Variants in MPP3 observed in about 807,000 individuals in gnomAD.
MPP3 encodes MAGUK p55 scaffold protein 3, also known as MAGUK p55 subfamily member 3.
MPP3 carries 48 observed loss-of-function variants against 80.7 expected under a neutral mutation model. The ratio of observed to expected loss-of-function variants is 0.59; its 90% CI spans 0.47 to 0.76. MPP3 has a LOEUF of 0.76. MPP3 is among the 30% of genes least tolerant of loss of function. The pLI, the probability that MPP3 is intolerant of heterozygous loss-of-function variation, is 0.00. For missense variants in MPP3, 620 were observed against 763.0 expected (o/e 0.81, Z 2.21); for synonymous variants, 311 against 297.6 (o/e 1.04, Z -0.46).
At chr17:43,828,273 C>T (rs115013721) in intron 7 of MPP3, among the ~76,000 whole-genome samples, 43 of 152,336 alleles carry the variant, frequency 2.8e-4, no homozygotes, top group African/African-American at 9.9e-4. Flanking sequence ...CCTTCTGCTG[C>T]TGCTGAGGGA....
intron 3 of MPP3, 80 bp from the exon 4 acceptor site, chr17:43,831,757 A>G: frequency 7.0e-7 from 1 of 1,436,724 alleles, no homozygotes; most frequent in Non-Finnish European, 9.6e-7. Context: ...TGGGGCCTCA[A>G]ACAGCACTTC....
At chr17:43,815,617 C>G in intron 14 of MPP3, 1 of 308,722 alleles carries the variant, frequency 3.2e-6, no homozygotes, top group Non-Finnish European at 6.2e-6. Context: ...AAAAAATAAC[C>G]AAAAAACAAA....
At chr17:43,830,613 C>A (rs1376916286) in intron 5 of MPP3, among the ~76,000 whole-genome samples, 3 of 152,170 alleles carry the variant, frequency 2.0e-5, no homozygotes, top group Non-Finnish European at 4.4e-5. Context: ...GGGAGCCAGG[C>A]AATCTAATGT....
Position 43,831,280 on chromosome 17 carries a change from G to A in MPP3, c.186C>T (p.Thr62=), listed in dbSNP as rs778722022. The stretch of plus-strand genomic sequence containing the variant: ...GGGCCACAGCGCTGTGCAGAACTGG[G>A]GTTGGACTTTGCCTTTCATAATAGC... The part of the protein sequence containing the change: ...KLRYYERQSP[T]PVLHSAVALA... Residue 62 remains threonine, a synonymous_variant, in exon 5 of 20, where the codon ACC becomes ACT. Transcript: ENST00000398389. 2 of 1,614,064 alleles carry A rather than the reference G, an allele frequency of 1.2e-6. No homozygotes were observed. Among genetic ancestry groups the A allele is most frequent in the Non-Finnish European group, 1.7e-6 (2 of 1,180,022 alleles).
Position 43,816,098 on chromosome 17 carries a change from G to C in MPP3, c.968-19C>G. ...CAGGTCTCTGGGAAGCAAACAGAGG[G>C]AGGGAAGCCAGTGAGTCCCACCAGA... On this transcript the variant is annotated intron_variant, in intron 13 of 19. Coordinates refer to ENST00000398389, the MANE Select transcript of MPP3 (RefSeq NM_001932.6). 1 of 1,507,128 alleles carries C rather than the reference G, an allele frequency of 6.6e-7. No individual in the cohort carries two copies. 93.4% of individuals were successfully genotyped at this position (1,507,128 alleles called of 1,614,324 possible). A position where few individuals can be genotyped will look rare whatever the true frequency, so the allele number is the denominator to read the frequency against.
intron 18 of MPP3, among the ~76,000 whole-genome samples, chr17:43,809,980 T>C (rs1023688206): frequency 6.6e-6 from 1 of 152,206 alleles, no homozygotes; most frequent in African/African-American, 2.4e-5. Context: ...ATGCATTATC[T>C]GCACCCTTGA....
chr17:43,805,028 G>A (rs929281373), intron 19 of MPP3, among the ~76,000 whole-genome samples: 1 of 151,988 alleles, frequency 6.6e-6, no homozygotes, highest in Non-Finnish European at 1.5e-5. Flanking sequence ...CAAAAAAAAA[G>A]AAAGTGAAAA....
chr17:43,806,754 G>A (rs967869294), intron 19 of MPP3, among the ~76,000 whole-genome samples: 13 of 150,926 alleles, frequency 8.6e-5, no homozygotes, highest in South Asian at 2.1e-4. Context: ...GATTACAGGC[G>A]CGTGCCACCA....
intron 14 of MPP3, among the ~76,000 whole-genome samples, chr17:43,814,987 A>T (rs1765040708): frequency 6.6e-6 from 1 of 152,212 alleles, no homozygotes; most frequent in Non-Finnish European, 1.5e-5. Context: ...AGTATATGAG[A>T]GTTCTTTGTA....
intron 19 of MPP3, among the ~76,000 whole-genome samples, chr17:43,807,508 T>C (rs2044670524): frequency 6.7e-6 from 1 of 150,120 alleles, no homozygotes; most frequent in African/African-American, 2.5e-5. Context: ...TTTGTAGAGA[T>C]GGGGTTTCAC....
At position 43,815,811 on chromosome 17, in the gene MPP3, C is replaced by T. The variant is rs1458865662; in HGVS notation, c.1009+227G>A. The T allele has an allele frequency of 1.2e-5, 8 of 676,912 alleles. No homozygotes were observed. The East Asian group carries it at 2.0e-4, about 17-fold the overall frequency. 41.9% of individuals were successfully genotyped at this position (676,912 alleles called of 1,614,324 possible). A position where few individuals can be genotyped will look rare whatever the true frequency, so the allele number is the denominator to read the frequency against. On this transcript the variant is annotated intron_variant, in intron 14 of 19. Transcript: ENST00000398389. ...GTAGGGGTGTGTGTGCCTTTCCCGC[C>T]AGGGCAGTGTGCCCCACAGCTGGGT... is the stretch of plus-strand genomic sequence containing the variant.
intron 19 of MPP3, among the ~76,000 whole-genome samples, chr17:43,804,755 G>A (rs1194065183): frequency 2.6e-5 from 4 of 152,198 alleles, no homozygotes; most frequent in South Asian, 2.1e-4. Context: ...AGGACCAGGC[G>A]TGGTGCCTCC....
chr17:43,807,894 A>G (rs1295474766), intron 19 of MPP3, among the ~76,000 whole-genome samples: 1 of 152,006 alleles, frequency 6.6e-6, no homozygotes, highest in East Asian at 2.0e-4. Flanking sequence ...CAGGAGTTCA[A>G]GGCTGCAGTG....
chr17:43,802,438 C>A (rs1472382673), intron 19 of MPP3, among the ~76,000 whole-genome samples: 2 of 152,220 alleles, frequency 1.3e-5, no homozygotes, highest in Non-Finnish European at 2.9e-5. Flanking sequence ...GAGCCAAACA[C>A]TAGCACAGCA....
rs1483798111 is a variant in MPP3 at position 43,809,151 on chromosome 17, A to G, written c.1459-73T>C. 5.5e-6 allele frequency: 8 copies of G among 1,457,780 alleles called. No homozygotes were observed. In the South Asian group the frequency reaches 8.4e-5, roughly 15 times the overall value. The allele number at this position is 1,457,780 out of a possible 1,614,324, so 90.3% of individuals were successfully genotyped here. A position where few individuals can be genotyped will look rare whatever the true frequency, so the allele number is the denominator to read the frequency against. On this transcript the variant is annotated intron_variant, in intron 18 of 19. Transcript: ENST00000398389. ...TGTGAAATAGACTTTTGAAAGCTCAATAATCGTGTGCTTCAATACCATAAC... is the reference window on the plus strand; with the variant it reads ...TGTGAAATAGACTTTTGAAAGCTCAGTAATCGTGTGCTTCAATACCATAAC...
At position 43,826,830 on chromosome 17, in the gene MPP3, ATT is replaced by A. The variant is rs1183945469; in HGVS notation, c.523+919_523+920del. 5.6e-3 allele frequency among the ~76,000 whole-genome samples: 765 copies of A among 137,664 alleles called. 9 individuals are homozygous for A. Among genetic ancestry groups the A allele is most frequent in the African/African-American group, 0.015 (533 of 35,868 alleles). 90.3% of individuals were successfully genotyped at this position (137,664 alleles called of 152,430 possible). A position where few individuals can be genotyped will look rare whatever the true frequency, so the allele number is the denominator to read the frequency against. On this transcript the variant is annotated intron_variant, in intron 8 of 19. Transcript: ENST00000398389. The stretch of plus-strand genomic sequence containing the variant: ...TCCATGACTATTTATATATATATAT[ATT>A]TTTTTTTTTTTTCTTTTTTTTTTGA...
rs756489410 is a variant in MPP3, at chr17:43,801,814, C to T, written c.1645G>A (p.Val549Ile). 1.2e-6 allele frequency: 2 copies of T among 1,614,126 alleles called. No individual in the cohort carries two copies. Among genetic ancestry groups the T allele is most frequent in the Non-Finnish European group, 1.7e-6 (2 of 1,180,022 alleles). ...TCCTCCTTCACCAGCACGGCGTCTACCAGGTGCCCGTAATGCCGGTCTATG... is the reference window on the plus strand; with the variant it reads ...TCCTCCTTCACCAGCACGGCGTCTATCAGGTGCCCGTAATGCCGGTCTATG... ...AFIDRHYGHLVDAVLVKEDLQ... is the reference protein window; with the variant it reads ...AFIDRHYGHLIDAVLVKEDLQ... Residue 549 changes from valine (V) to isoleucine (I), a missense_variant, in exon 20 of 20, where the codon GTA (valine) becomes ATA (isoleucine). Val to Ile is a conservative substitution (Grantham distance 29). Transcript: ENST00000398389.
chr17:43,827,888 C>G (rs1380918007), intron 7 of MPP3, 56 bp from the exon 8 acceptor site: 39 of 1,554,040 alleles, frequency 2.5e-5, no homozygotes, highest in Non-Finnish European at 3.5e-6. Flanking sequence ...ACCTCAGACC[C>G]CTACTCTCTG....
intron 9 of MPP3, among the ~76,000 whole-genome samples, chr17:43,824,446 G>C (rs1383629956): frequency 1.3e-5 from 2 of 152,022 alleles, no homozygotes; most frequent in Non-Finnish European, 2.9e-5. Flanking sequence ...TGCCTGATTT[G>C]GGGCTGGTCT....
Sources: gnomAD v4.1 joint callset for allele counts (sites outside exome capture counted in the v4.1 genomes callset) on GRCh38, gnomAD v4.1.1 for gene constraint, MANE v1.5 for transcripts, NCBI Gene and HGNC (gene_info 2026-07-23, HGNC 2026-07-21) for gene names.